Variants in PLD5 observed in about 807,000 individuals in gnomAD.
PLD5 encodes inactive phospholipase D5.
Under a neutral mutation model 61.1 loss-of-function variants are expected in PLD5, and 36 were observed. The ratio of observed to expected loss-of-function variants is 0.59; its 90% CI spans 0.45 to 0.78. The LOEUF (loss-of-function observed/expected upper bound fraction) is 0.78. Among genes scored for constraint, PLD5 ranks in the 30% least tolerant of loss-of-function variants. The pLI, the probability that PLD5 is intolerant of heterozygous loss-of-function variation, is 0.00. For missense variants in PLD5, 515 were observed against 644.4 expected (o/e 0.80, Z 2.17); for synonymous variants, 243 against 242.8 (o/e 1.00, Z -0.01).
intron 5 of PLD5, among the ~76,000 whole-genome samples, chr1:242,219,227 G>C (rs549101218): frequency 2.6e-5 from 4 of 152,162 alleles, no homozygotes; most frequent in Non-Finnish European, 5.9e-5. Flanking sequence ...TAATAGAAAG[G>C]AACACTAATT....
intron 5 of PLD5, among the ~76,000 whole-genome samples, chr1:242,142,189 T>G (rs945654898): frequency 2.0e-5 from 3 of 152,228 alleles, no homozygotes; most frequent in Non-Finnish European, 4.4e-5. Flanking sequence ...TAAGGCTTTT[T>G]CTTTTGTGGG....
intron 5 of PLD5, among the ~76,000 whole-genome samples, chr1:242,200,292 C>G (rs986685323): frequency 6.6e-6 from 1 of 152,156 alleles, no homozygotes; most frequent in Non-Finnish European, 1.5e-5. Context: ...GTGGACAGCT[C>G]TCACTTGTCT....
intron 5 of PLD5, among the ~76,000 whole-genome samples, chr1:242,129,339 AAT>A (rs1180953848): frequency 1.3e-5 from 2 of 152,164 alleles, no homozygotes; most frequent in African/African-American, 4.8e-5. Flanking sequence ...ATGTAAAGAG[AAT>A]TACATTTCCT....
intron 1 of PLD5, among the ~76,000 whole-genome samples, chr1:242,425,222 C>T (rs189731824): frequency 6.6e-6 from 1 of 152,134 alleles, no homozygotes; most frequent in African/African-American, 2.4e-5. Flanking sequence ...ACATGAACAT[C>T]GTGGAGTGCA....
chr1:242,529,156 CA>C (rs746947552), upstream of PLD5, among the ~76,000 whole-genome samples: 285 of 152,156 alleles, frequency 1.9e-3, 1 homozygote, highest in Middle Eastern at 3.4e-3. Flanking sequence ...ACCAGTAGAA[CA>C]AAATTAAAGT....
chr1:242,350,601 C>T (rs191727190), intron 1 of PLD5, among the ~76,000 whole-genome samples: 12 of 152,242 alleles, frequency 7.9e-5, no homozygotes, highest in East Asian at 7.7e-4. Context: ...TCCAGGTCAT[C>T]GAGAGGTATC....
At chr1:242,303,423 A>G (rs367914555) in intron 2 of PLD5, among the ~76,000 whole-genome samples, 1 of 152,368 alleles carries the variant, frequency 6.6e-6, no homozygotes, top group African/African-American at 2.4e-5. Context: ...AGACTTATCT[A>G]GAGAATCATT....
At chr1:242,467,545 T>C (rs1014537828) in intron 1 of PLD5, among the ~76,000 whole-genome samples, 3 of 152,214 alleles carry the variant, frequency 2.0e-5, no homozygotes, top group South Asian at 2.1e-4. Context: ...TGACCAAATA[T>C]AGCAATTTGG....
At chr1:242,449,228 G>T (rs1666681214) in intron 1 of PLD5, 3 of 1,210,386 alleles carry the variant, frequency 2.5e-6, no homozygotes, top group Non-Finnish European at 3.5e-6. Context: ...ATAAAAAAAG[G>T]ACAGTGCCTC....
rs1164226567 is a variant in PLD5, at chr1:242,393,661, T to A, written c.190-45419A>T. Among the ~76,000 whole-genome samples the A allele has an allele frequency of 4.5e-5, 5 of 110,952 alleles. No individual in the cohort carries two copies. In the South Asian group the frequency reaches 1.3e-3, roughly 29 times the overall value. The allele number at this position is 110,952 out of a possible 152,430, so 72.8% of individuals were successfully genotyped here. A position where few individuals can be genotyped will look rare whatever the true frequency, so the allele number is the denominator to read the frequency against. On this transcript the variant is annotated intron_variant, in intron 1 of 9. Transcript: ENST00000536534. ...ATGTGTATATATATGAGTATATATG[T>A]GTATATATATGAGTATATATGTGTA... is the stretch of plus-strand genomic sequence containing the variant.
In PLD5 at chr1:242,515,338, A is replaced by T. The variant is rs368450010; in HGVS notation, c.189+8750T>A. Reference sequence around the variant, plus strand: ...AGCAATTCTCCTGTCTCAGCCTCCCAACTAGCTCGGATTACAGGCATGTGC... The same window carrying T: ...AGCAATTCTCCTGTCTCAGCCTCCCTACTAGCTCGGATTACAGGCATGTGC... On this transcript the variant is annotated intron_variant, in intron 1 of 9. Transcript: ENST00000536534. Among the ~76,000 whole-genome samples the T allele has an allele frequency of 2.9e-4, 44 of 152,210 alleles. 1 individual carries two copies. The East Asian group carries it at 6.8e-3, about 23-fold the overall frequency.
intron 3 of PLD5, among the ~76,000 whole-genome samples, chr1:242,286,254 A>T (rs1273836508): frequency 6.6e-6 from 1 of 152,188 alleles, no homozygotes; most frequent in Non-Finnish European, 1.5e-5. Flanking sequence ...TCCAGACCTG[A>T]TGCAAATAAA....
chr1:242,251,831 G>T (rs1339298651), intron 4 of PLD5, among the ~76,000 whole-genome samples: 1 of 152,180 alleles, frequency 6.6e-6, no homozygotes, highest in Non-Finnish European at 1.5e-5. Context: ...TGTCTCAGGT[G>T]GAAGAGTTAG....
intron 1 of PLD5, among the ~76,000 whole-genome samples, chr1:242,388,825 G>A (rs186792450): frequency 3.5e-4 from 53 of 152,120 alleles, no homozygotes; most frequent in South Asian, 3.1e-3. Flanking sequence ...GCGTGGTGGC[G>A]GGGGCCTGTA....
At chr1:242,115,693 C>T (rs1319054364) in intron 6 of PLD5, among the ~76,000 whole-genome samples, 3 of 147,248 alleles carry the variant, frequency 2.0e-5, no homozygotes. Context: ...TTCTTTTCTC[C>T]AAAATCTTTC....
At chr1:242,274,702 T>C (rs10926674) in intron 3 of PLD5, among the ~76,000 whole-genome samples, 54,564 of 151,586 alleles carry the variant, frequency 0.36, 11,191 homozygotes, top group Non-Finnish European at 0.46. Flanking sequence ...TGCAGTGAGC[T>C]GAGATCGCGC....
At chr1:242,337,913 C>T (rs570733264) in intron 2 of PLD5, among the ~76,000 whole-genome samples, 105 of 152,242 alleles carry the variant, frequency 6.9e-4, no homozygotes, top group African/African-American at 2.5e-3. Context: ...TTGGATTTGT[C>T]GTTCACGTTG....
At chr1:242,272,934 G>A (rs1030462410) in intron 3 of PLD5, among the ~76,000 whole-genome samples, 1 of 151,892 alleles carries the variant, frequency 6.6e-6, no homozygotes, top group African/African-American at 2.4e-5. Context: ...TAATTTTTAA[G>A]TTCTGGGATA....
intron 3 of PLD5, among the ~76,000 whole-genome samples, chr1:242,279,552 C>T (rs1333914085): frequency 2.0e-5 from 3 of 146,404 alleles, no homozygotes; most frequent in South Asian, 2.2e-4. Flanking sequence ...TTTTTTTTTT[C>T]GAGACCGAGT....
Sources: allele counts gnomAD v4.1 joint callset (sites outside exome capture counted in the v4.1 genomes callset), GRCh38; gene constraint gnomAD v4.1.1; transcripts MANE v1.5; gene names NCBI Gene and HGNC (gene_info 2026-07-23, HGNC 2026-07-21).